SORCS2: variants seen among roughly 807,000 people sequenced by gnomAD.
SORCS2 encodes the protein sortilin related VPS10 domain containing receptor 2, also known as VPS10 domain-containing receptor SorCS2.
A neutral mutation model predicts 141.6 loss-of-function variants in SORCS2; 100 were observed. The ratio of observed to expected loss-of-function variants is 0.71; its 90% confidence interval spans 0.60 to 0.83. The LOEUF (loss-of-function observed/expected upper bound fraction) is 0.83. Among genes scored for constraint, SORCS2 ranks in the 40% least tolerant of loss-of-function variants. The probability of loss-of-function intolerance (pLI) is 0.00; values close to 1 mark genes in which losing one functional copy is unlikely to be tolerated. For missense variants in SORCS2, 1,646 were observed against 1,560.2 expected (o/e 1.05, Z -0.93); for synonymous variants, 789 against 676.9 (o/e 1.17, Z -2.57).
At chr4:7,649,177 C>T (rs1721273600) in intron 4 of SORCS2, among the ~76,000 whole-genome samples, 1 of 152,186 alleles carries the variant, frequency 6.6e-6, no homozygotes, top group Non-Finnish European at 1.5e-5. Flanking sequence ...GAGTCTTGAA[C>T]ACCGGCTGGG....
chr4:7,528,876 C>T (rs1733859848), intron 2 of SORCS2, among the ~76,000 whole-genome samples: 1 of 152,164 alleles, frequency 6.6e-6, no homozygotes, highest in African/African-American at 2.4e-5. Flanking sequence ...GAGCCTCTGC[C>T]CCCTGCCTCT....
intron 1 of SORCS2, among the ~76,000 whole-genome samples, chr4:7,369,549 C>T (rs542395299): frequency 5.9e-5 from 9 of 152,252 alleles, no homozygotes; most frequent in South Asian, 2.1e-4. Context: ...GACTTGGGGG[C>T]GTGTCTACCC....
intron 1 of SORCS2, among the ~76,000 whole-genome samples, chr4:7,363,199 TCACCAC>T (rs199942866): frequency 4.7e-5 from 7 of 147,970 alleles, no homozygotes; most frequent in East Asian, 2.1e-4. Context: ...ACCTTCACCG[TCACCAC>T]CACCACCACC....
intron 1 of SORCS2, among the ~76,000 whole-genome samples, chr4:7,227,634 C>T (rs1388698607): frequency 6.6e-6 from 1 of 152,152 alleles, no homozygotes; most frequent in Non-Finnish European, 1.5e-5. Flanking sequence ...GAGTTCCCTC[C>T]AGCCCCATTG....
intron 1 of SORCS2, among the ~76,000 whole-genome samples, chr4:7,266,230 G>A (rs1714718676): frequency 6.6e-6 from 1 of 152,186 alleles, no homozygotes; most frequent in African/African-American, 2.4e-5. Flanking sequence ...CCAGCGGGTG[G>A]CCTGGCCTGG....
chr4:7,447,476 G>A (rs1484845642), intron 2 of SORCS2, among the ~76,000 whole-genome samples: 1 of 152,216 alleles, frequency 6.6e-6, no homozygotes, highest in Non-Finnish European at 1.5e-5. Context: ...AGCCAGGGTT[G>A]ACCTGAATTT....
At chr4:7,642,958 A>G (rs1010277461) in intron 4 of SORCS2, among the ~76,000 whole-genome samples, 2 of 152,206 alleles carry the variant, frequency 1.3e-5, no homozygotes, top group Non-Finnish European at 2.9e-5. Flanking sequence ...AAGTCACATG[A>G]CAAGCCCAGA....
chr4:7,665,228 A>G (rs915811975), intron 7 of SORCS2, among the ~76,000 whole-genome samples: 1 of 152,034 alleles, frequency 6.6e-6, no homozygotes, highest in South Asian at 2.1e-4. Context: ...TCTCAGCCAC[A>G]CTTGGTCACC....
intron 2 of SORCS2, among the ~76,000 whole-genome samples, chr4:7,525,901 C>CAGTCACCTGTCTG (rs1560356395): frequency 9.3e-5 from 13 of 140,454 alleles, no homozygotes; most frequent in African/African-American, 3.6e-4. Context: ...TCACCTGTCT[C>CAGTCACCTGTCTG]CTCCTGCAGT....
chr4:7,213,879 C>T (rs1728182720), intron 1 of SORCS2, among the ~76,000 whole-genome samples: 1 of 152,206 alleles, frequency 6.6e-6, no homozygotes, highest in African/African-American at 2.4e-5. Context: ...CACATGTCTC[C>T]AGGAGCTGGG....
intron 1 of SORCS2, among the ~76,000 whole-genome samples, chr4:7,225,054 G>T (rs1437904482): frequency 6.6e-6 from 1 of 152,178 alleles, no homozygotes; most frequent in Non-Finnish European, 1.5e-5. Context: ...AAATATGTTG[G>T]CAGACTCCTA....
chr4:7,254,309 C>T (rs1359282327), intron 1 of SORCS2, among the ~76,000 whole-genome samples: 1 of 152,148 alleles, frequency 6.6e-6, no homozygotes, highest in African/African-American at 2.4e-5. Flanking sequence ...GAAATGTGGT[C>T]TAGACACACC....
intron 1 of SORCS2, among the ~76,000 whole-genome samples, chr4:7,379,265 T>A (rs945552410): frequency 6.6e-6 from 1 of 151,882 alleles, no homozygotes; most frequent in African/African-American, 2.4e-5. Flanking sequence ...TCAGCAAGAG[T>A]TGGGGCATCC....
intron 3 of SORCS2, among the ~76,000 whole-genome samples, chr4:7,626,305 C>T (rs1306313628): frequency 6.6e-6 from 1 of 152,150 alleles, no homozygotes; most frequent in Non-Finnish European, 1.5e-5. Context: ...CATAAAAGTA[C>T]ATTATTTATT....
intron 1 of SORCS2, among the ~76,000 whole-genome samples, chr4:7,234,525 C>T (rs1470614596): frequency 6.6e-6 from 1 of 152,216 alleles, no homozygotes; most frequent in Non-Finnish European, 1.5e-5. Context: ...GGGCGGCCGA[C>T]GTGGCCACAT....
At chr4:7,588,284 C>G (rs28713711) in intron 3 of SORCS2, among the ~76,000 whole-genome samples, 88 of 152,136 alleles carry the variant, frequency 5.8e-4, no homozygotes, top group African/African-American at 1.7e-3. Context: ...ACAAAGCTGC[C>G]CTTGGTTTTC....
chr4:7,665,281 A>T (rs6844267), intron 7 of SORCS2, among the ~76,000 whole-genome samples: 122,134 of 152,092 alleles, frequency 0.8, 49,156 homozygotes, highest in Non-Finnish European at 0.83. Flanking sequence ...AGGGCCACCA[A>T]GGAGTTAGGC....
intron 2 of SORCS2, among the ~76,000 whole-genome samples, chr4:7,507,625 G>C (rs1046423240): frequency 1.3e-5 from 2 of 152,192 alleles, no homozygotes; most frequent in African/African-American, 2.4e-5. Context: ...TGAATCAGTG[G>C]AGTGATTCCA....
At chr4:7,283,142 C>T (rs758701723) in intron 1 of SORCS2, among the ~76,000 whole-genome samples, 12 of 152,218 alleles carry the variant, frequency 7.9e-5, no homozygotes, top group Non-Finnish European at 1.8e-4. Context: ...GTTCCAGGCA[C>T]CTTTCTAGGA....
Sources: allele counts gnomAD v4.1 joint callset (sites outside exome capture counted in the v4.1 genomes callset), GRCh38; gene constraint gnomAD v4.1.1; transcripts MANE v1.5; gene names NCBI Gene and HGNC (gene_info 2026-07-23, HGNC 2026-07-21).